Variants in DIAPH2 observed in about 807,000 individuals in gnomAD.
The protein encoded by DIAPH2 is protein diaphanous homolog 2.
In DIAPH2, 35 loss-of-function variants were observed where a neutral mutation model predicts 92.7. That is an observed-to-expected ratio of 0.38 (90% CI 0.29 to 0.50). DIAPH2 has a LOEUF of 0.50. DIAPH2 is among the 20% of genes least tolerant of loss of function. DIAPH2 has a pLI of 0.94. For synonymous variants in DIAPH2, 301 were observed against 280.4 expected (o/e 1.07, Z -0.73); for missense variants, 701 against 819.5 (o/e 0.86, Z 1.77).
intron 26 of DIAPH2, among the ~76,000 whole-genome samples, chrX:97,589,119 A>T (rs1374197701): frequency 2.1e-5 from 2 of 96,539 alleles, no homozygotes; most frequent in East Asian, 6.7e-4. Context: ...AGAGTTCAAG[A>T]CCAACCTGGC....
chrX:97,154,021 C>A (rs1398475045), intron 22 of DIAPH2, among the ~76,000 whole-genome samples: 2 of 111,415 alleles, frequency 1.8e-5, no homozygotes, highest in African/African-American at 6.5e-5. Context: ...AAGTAGAAAG[C>A]CAGGTCTTCA....
At chrX:97,432,143 A>G (rs781234669) in intron 26 of DIAPH2, among the ~76,000 whole-genome samples, 6 of 112,121 alleles carry the variant, frequency 5.4e-5, no homozygotes, top group African/African-American at 1.6e-4. Context: ...TCCAAAAAAC[A>G]CTAAAATCAG....
chrX:96,761,678 CCATATTCTGGTTGTTTCACTGAGT>C (rs2064270074), intron 4 of DIAPH2, among the ~76,000 whole-genome samples: 1 of 111,103 alleles, frequency 9.0e-6, no homozygotes, highest in Admixed American at 9.6e-5. Context: ...ATTAAATGGG[CCATATTCTGGTTGTTTCACTGAGT>C]ATAGACCTGC....
intron 17 of DIAPH2, among the ~76,000 whole-genome samples, chrX:97,033,328 T>C (rs755105522): frequency 2.7e-5 from 3 of 111,426 alleles, no homozygotes; most frequent in South Asian, 7.4e-4. Flanking sequence ...CTTTTTTTCC[T>C]AAGTAAGATA....
chrX:96,988,291 G>T (rs1179239602), intron 17 of DIAPH2, among the ~76,000 whole-genome samples: 1 of 110,593 alleles, frequency 9.0e-6, no homozygotes, highest in East Asian at 2.8e-4. Flanking sequence ...GTAATATGAT[G>T]GGAAAGTACT....
At chrX:97,229,852 A>G (rs2067995576) in intron 22 of DIAPH2, among the ~76,000 whole-genome samples, 1 of 100,272 alleles carries the variant, frequency 1.0e-5, no homozygotes, top group Non-Finnish European at 2.0e-5. Context: ...ATTATATATA[A>G]CATATTATAT....
At chrX:97,598,330 TC>T (rs2071568396) in intron 26 of DIAPH2, among the ~76,000 whole-genome samples, 1 of 112,010 alleles carries the variant, frequency 8.9e-6, no homozygotes, top group Non-Finnish European at 1.9e-5. Flanking sequence ...TGGGCTTACC[TC>T]CCGGAGATGT....
At chrX:97,176,784 C>G (rs1359715620) in intron 22 of DIAPH2, among the ~76,000 whole-genome samples, 2 of 111,642 alleles carry the variant, frequency 1.8e-5, no homozygotes, top group Non-Finnish European at 3.8e-5. Flanking sequence ...GCCTCGGCCT[C>G]CCAAAGTGCT....
intron 17 of DIAPH2, among the ~76,000 whole-genome samples, chrX:97,045,465 C>T (rs2066475313): frequency 9.0e-6 from 1 of 111,089 alleles, no homozygotes. Context: ...CATAATACAT[C>T]GGGTTGAAAT....
intron 17 of DIAPH2, among the ~76,000 whole-genome samples, chrX:96,979,424 C>G (rs970279642): frequency 8.9e-6 from 1 of 112,111 alleles, no homozygotes; most frequent in African/African-American, 3.2e-5. Flanking sequence ...TACCTTTTCA[C>G]TCCCACTAAA....
At chrX:97,095,424 C>T (rs1241332165) in intron 19 of DIAPH2, among the ~76,000 whole-genome samples, 1 of 107,371 alleles carries the variant, frequency 9.3e-6, no homozygotes. Context: ...CCAAGGAGAA[C>T]GTTTCTTATC....
Position 97,354,886 on chromosome X carries a change from A to G in DIAPH2, c.3009+6606A>G, listed in dbSNP as rs141131504. 6.1e-4 allele frequency among the ~76,000 whole-genome samples: 69 copies of G among 112,446 alleles called. No homozygotes were observed. In the East Asian group the frequency reaches 8.1e-3, roughly 13 times the overall value. ...AGGAACTGTGTCTCTCAGAACAAAG[A>G]GAAACTTTGGAAGCACCATATGAAA... On this transcript the variant is annotated intron_variant, in intron 24 of 26. Coordinates refer to ENST00000324765, the MANE Select transcript of DIAPH2 (RefSeq NM_006729.5).
Position 97,599,322 on chromosome X carries a change from T to TGATG in DIAPH2, c.*6_*9dup, listed in dbSNP as rs775423060. ...GGAGCTATCTCATCTAAGTGATTCC[T>TGATG]GATGCCAAAGAATATGAAAATATTT... On this transcript the variant is annotated 3_prime_UTR_variant, in exon 27 of 27. Transcript: ENST00000324765. 8.6e-7 allele frequency: 1 copy of TGATG among 1,159,856 alleles called. No individual in the cohort carries two copies. The highest frequency in any genetic ancestry group is 1.2e-6 in the Non-Finnish European group (1 of 854,944).
intron 22 of DIAPH2, among the ~76,000 whole-genome samples, chrX:97,142,284 C>T (rs2067213531): frequency 9.0e-6 from 1 of 111,463 alleles, no homozygotes; most frequent in Non-Finnish European, 1.9e-5. Flanking sequence ...GAGGAAAGTA[C>T]TCTTGAATGG....
In DIAPH2 at chrX:97,123,731, A is replaced by G. The variant is rs182242271; in HGVS notation, c.2589+8766A>G. ...AACACAGGCCACTTCTTTTGAGTTTATCTTCTTTAAAATGCAGCCCTCTAA... is the reference window on the plus strand; with the variant it reads ...AACACAGGCCACTTCTTTTGAGTTTGTCTTCTTTAAAATGCAGCCCTCTAA... On this transcript the variant is annotated intron_variant, in intron 21 of 26. Transcript: ENST00000324765. 5.3e-3 allele frequency among the ~76,000 whole-genome samples: 600 copies of G among 112,431 alleles called. 3 individuals are homozygous for G. Among genetic ancestry groups the G allele is most frequent in the Middle Eastern group, 0.018 (4 of 219 alleles).
At chrX:97,115,599 C>T (rs2067011335) in intron 21 of DIAPH2, among the ~76,000 whole-genome samples, 1 of 111,384 alleles carries the variant, frequency 9.0e-6, no homozygotes, top group South Asian at 3.8e-4. Context: ...TTACTTATAT[C>T]GTTCTAAAAA....
rs1481456621 is a variant in DIAPH2, at chrX:97,185,494, T to TACAC, written c.2719+43701_2719+43702insCACA. 6.0e-5 allele frequency among the ~76,000 whole-genome samples: 3 copies of TACAC among 49,704 alleles called. 1 individual carries two copies. Among genetic ancestry groups the TACAC allele is most frequent in the Admixed American group, 2.8e-4 (1 of 3,590 alleles). 43.2% of individuals were successfully genotyped at this position (49,704 alleles called of 115,157 possible). A position where few individuals can be genotyped will look rare whatever the true frequency, so the allele number is the denominator to read the frequency against. On this transcript the variant is annotated intron_variant, in intron 22 of 26. Coordinates refer to ENST00000324765, the MANE Select transcript of DIAPH2 (RefSeq NM_006729.5). ...ATACACATATATATATATATATATA[T>TACAC]ATATATATATATATATATATATATA...
chrX:96,703,121 A>G (rs1473387215), intron 1 of DIAPH2, among the ~76,000 whole-genome samples: 1 of 111,801 alleles, frequency 8.9e-6, no homozygotes, highest in South Asian at 3.8e-4. Flanking sequence ...TGTATGTATG[A>G]GAGTGGTGGA....
chrX:97,019,548 T>C (rs188091802), intron 17 of DIAPH2, among the ~76,000 whole-genome samples: 70 of 110,943 alleles, frequency 6.3e-4, no homozygotes, highest in Admixed American at 5.9e-3. Context: ...TCCCCTAACC[T>C]GAGGCCAGTG....
Sources: allele counts gnomAD v4.1 joint callset (sites outside exome capture counted in the v4.1 genomes callset), GRCh38; gene constraint gnomAD v4.1.1; transcripts MANE v1.5; gene names NCBI Gene and HGNC (gene_info 2026-07-23, HGNC 2026-07-21).